CTDP1: variants seen among roughly 807,000 people sequenced by gnomAD.
CTDP1 encodes the protein RNA polymerase II subunit A C-terminal domain phosphatase.
A neutral mutation model predicts 91.8 loss-of-function variants in CTDP1; 47 were observed. The observed-to-expected ratio is 0.51, with a 90% CI of 0.41 to 0.65. CTDP1 has a LOEUF of 0.65. Among genes scored for constraint, CTDP1 ranks in the 30% least tolerant of loss-of-function variants. The pLI is 0.00. For synonymous variants in CTDP1, 656 were observed against 598.5 expected (o/e 1.10, Z -1.40); for missense variants, 1,272 against 1,373.7 (o/e 0.93, Z 1.17).
At chr18:79,752,424 AG>A (rs552559557) in intron 12 of CTDP1, among the ~76,000 whole-genome samples, 160 of 85,712 alleles carry the variant, frequency 1.9e-3, no homozygotes, top group African/African-American at 7.1e-3. Flanking sequence ...GGTTATGCAG[AG>A]GCTCGTAAGG....
chr18:79,743,798 A>G (rs764503801), intron 12 of CTDP1, among the ~76,000 whole-genome samples: 36 of 152,352 alleles, frequency 2.4e-4, no homozygotes, highest in Admixed American at 2.6e-4. Context: ...AAGCTAAGGA[A>G]GTAACTCAAA....
chr18:79,746,892 A>G (rs942855375), intron 12 of CTDP1, among the ~76,000 whole-genome samples: 6 of 152,116 alleles, frequency 3.9e-5, no homozygotes, highest in Admixed American at 3.9e-4. Flanking sequence ...AGCCTCCCAA[A>G]GTGCTGGACC....
At chr18:79,694,699 A>G (rs1466962864) in intron 1 of CTDP1, among the ~76,000 whole-genome samples, 1 of 152,154 alleles carries the variant, frequency 6.6e-6, no homozygotes, top group South Asian at 2.1e-4. Context: ...TAGCCTTCAG[A>G]TTTCAGCACT....
chr18:79,705,671 G>A lies in CTDP1; in HGVS notation c.772+754G>A, dbSNP rs556204483. 1.2e-4 allele frequency among the ~76,000 whole-genome samples: 18 copies of A among 152,382 alleles called. No homozygotes were observed. The South Asian group carries it at 2.7e-3, about 23-fold the overall frequency. On this transcript the variant is annotated intron_variant, in intron 5 of 12. Coordinates refer to ENST00000613122, the MANE Select transcript of CTDP1 (RefSeq NM_004715.5). ...CCGTCTGTCCCACATGGATGTAGGC[G>A]CCGAGTGGCAGTGTAGGCAAGCTCC...
rs372183465 is a variant in CTDP1 at position 79,711,682 on chromosome 18, G to A, written c.863+1246G>A. On this transcript the variant is annotated intron_variant, in intron 6 of 12. Transcript: ENST00000613122. The stretch of plus-strand genomic sequence containing the variant: ...CTACTAATAATTTACAAAATCCTAA[G>A]TCACTTGACTATTATGCCCATATTT... 1.2e-4 allele frequency among the ~76,000 whole-genome samples: 19 copies of A among 152,282 alleles called. No individual in the cohort carries two copies. The East Asian group carries it at 2.3e-3, about 19-fold the overall frequency.
At chr18:79,738,732 ATTAC>A (rs1243562570) in intron 12 of CTDP1, among the ~76,000 whole-genome samples, 3 of 152,262 alleles carry the variant, frequency 2.0e-5, no homozygotes, top group Admixed American at 6.5e-5. Context: ...GTTTGCAGGA[ATTAC>A]TTACAGAAAA....
At chr18:79,733,569 CGCTGCCTCTCCA>C (rs981057874) in intron 11 of CTDP1, among the ~76,000 whole-genome samples, 35 of 151,950 alleles carry the variant, frequency 2.3e-4, no homozygotes, top group Admixed American at 2.2e-3. Context: ...AGCCGGCGTC[CGCTGCCTCTCCA>C]GCTGCGTTAC....
At chr18:79,711,862 G>A (rs1280536894) in intron 6 of CTDP1, among the ~76,000 whole-genome samples, 1 of 151,800 alleles carries the variant, frequency 6.6e-6, no homozygotes, top group Non-Finnish European at 1.5e-5. Context: ...CACTGTATTC[G>A]AGGAGTTTCC....
intron 5 of CTDP1, among the ~76,000 whole-genome samples, chr18:79,707,059 C>T (rs1358457942): frequency 6.6e-6 from 1 of 152,244 alleles, no homozygotes; most frequent in Non-Finnish European, 1.5e-5. Flanking sequence ...TTATCCTTTC[C>T]TGAGGTGCAT....
chr18:79,686,011 A>C (rs967871485), intron 1 of CTDP1, among the ~76,000 whole-genome samples: 1 of 152,240 alleles, frequency 6.6e-6, no homozygotes, highest in Non-Finnish European at 1.5e-5. Context: ...AACGTGGGTA[A>C]GTTGCACTTC....
chr18:79,721,332 G>A (rs72976118), intron 10 of CTDP1, among the ~76,000 whole-genome samples: 8,987 of 152,214 alleles, frequency 0.059, 410 homozygotes, highest in Non-Finnish European at 0.096. Flanking sequence ...CAGCAGGGCG[G>A]AACCTGGCCT....
chr18:79,683,603 G>A (rs1486339662), intron 1 of CTDP1, among the ~76,000 whole-genome samples: 6 of 152,236 alleles, frequency 3.9e-5, no homozygotes, highest in African/African-American at 9.6e-5. Context: ...TGTCAGAAAC[G>A]GGGTTTCAGG....
intron 10 of CTDP1, among the ~76,000 whole-genome samples, chr18:79,725,880 T>C (rs1452494969): frequency 1.3e-5 from 2 of 152,196 alleles, no homozygotes; most frequent in Non-Finnish European, 2.9e-5. Context: ...TGATGAGTGA[T>C]CTTCTGTCTT....
intron 1 of CTDP1, among the ~76,000 whole-genome samples, chr18:79,693,067 G>A (rs1448351635): frequency 6.6e-6 from 1 of 152,212 alleles, no homozygotes; most frequent in African/African-American, 2.4e-5. Flanking sequence ...TCGGAGAGGA[G>A]CCTGGATGTG....
chr18:79,682,670 C>G lies in CTDP1; in HGVS notation c.314+2409C>G, dbSNP rs564346092. Among the ~76,000 whole-genome samples, 685 of 152,308 alleles carry G rather than the reference C, an allele frequency of 4.5e-3. 8 individuals carry two copies. Among genetic ancestry groups the G allele is most frequent in the African/African-American group, 0.016 (657 of 41,554 alleles). The stretch of plus-strand genomic sequence containing the variant: ...TGGAGCCCAGCCTGTTTATACAGAG[C>G]GCTGACTTTCTGGATCAGTGGGTTC... On this transcript the variant is annotated intron_variant, in intron 1 of 12. Coordinates refer to ENST00000613122, the MANE Select transcript of CTDP1 (RefSeq NM_004715.5).
intron 4 of CTDP1, 36 bp downstream of exon 4, chr18:79,698,024 G>C (rs1046828376): frequency 1.2e-6 from 2 of 1,613,518 alleles, no homozygotes; most frequent in South Asian, 1.1e-5. Flanking sequence ...AGTTTCCCAG[G>C]AACCGCGGGT....
intron 10 of CTDP1, among the ~76,000 whole-genome samples, chr18:79,725,051 A>T (rs1474963824): frequency 6.6e-6 from 1 of 152,166 alleles, no homozygotes; most frequent in Non-Finnish European, 1.5e-5. Flanking sequence ...GTTGATTGAT[A>T]TGATGGTGTG....
chr18:79,726,661 T>C (rs1235043515), intron 10 of CTDP1, among the ~76,000 whole-genome samples: 1 of 151,826 alleles, frequency 6.6e-6, no homozygotes, highest in Non-Finnish European at 1.5e-5. Flanking sequence ...TTCCTGCCAT[T>C]TGGGATAGGA....
At chr18:79,697,395 CA>C (rs1189345260) in intron 3 of CTDP1, among the ~76,000 whole-genome samples, 1 of 152,246 alleles carries the variant, frequency 6.6e-6, no homozygotes, top group Non-Finnish European at 1.5e-5. Flanking sequence ...GCGCTGTTGC[CA>C]GGCCCCCGGG....
Sources: allele counts gnomAD v4.1 joint callset (sites outside exome capture counted in the v4.1 genomes callset), GRCh38; gene constraint gnomAD v4.1.1; transcripts MANE v1.5; gene names NCBI Gene and HGNC (gene_info 2026-07-23, HGNC 2026-07-21).